The following FAF1 variants were observed in gnomAD, a reference collection of about 807,000 sequenced individuals.
FAF1 encodes the protein Fas associated factor 1, also known as FAS-associated factor 1.
A neutral mutation model predicts 92.5 loss-of-function variants in FAF1; 25 were observed. The ratio of observed to expected loss-of-function variants is 0.27; its 90% CI spans 0.20 to 0.38. The LOEUF (loss-of-function observed/expected upper bound fraction) is 0.38, where lower values mean the gene tolerates loss of function less well. Among genes scored for constraint, FAF1 ranks in the 10% least tolerant of loss-of-function variants. The pLI is 1.00. For synonymous variants in FAF1, 234 were observed against 273.2 expected, an observed-to-expected ratio of 0.86 and a Z score of 1.42; for missense variants, 636 against 793.3, an observed-to-expected ratio of 0.80 and a Z score of 2.38.
At chr1:50,916,156 G>A (rs1424648814) in intron 1 of FAF1, among the ~76,000 whole-genome samples, 1 of 152,170 alleles carries the variant, frequency 6.6e-6, no homozygotes, top group Non-Finnish European at 1.5e-5. Flanking sequence ...ACAAACAAAA[G>A]GGGGTCGTAG....
chr1:50,791,242 A>C (rs1661553385), intron 3 of FAF1, among the ~76,000 whole-genome samples: 1 of 152,222 alleles, frequency 6.6e-6, no homozygotes, highest in Admixed American at 6.5e-5. Flanking sequence ...TATGAACAGA[A>C]TCTGTGCGAT....
At chr1:50,787,219 G>GTAGAGAGAA (rs1661393700) in intron 4 of FAF1, among the ~76,000 whole-genome samples, 3 of 152,108 alleles carry the variant, frequency 2.0e-5, no homozygotes, top group Non-Finnish European at 4.4e-5. Flanking sequence ...TTTTCAACTG[G>GTAGAGAGAA]CAGAGAGAAA....
intron 6 of FAF1, among the ~76,000 whole-genome samples, chr1:50,722,950 C>T (rs1414002353): frequency 4.6e-5 from 7 of 152,140 alleles, no homozygotes; most frequent in African/African-American, 1.7e-4. Context: ...AAGCTGGTAT[C>T]CTAGAGCTTT....
chr1:50,553,260 T>C (rs1433452673), intron 13 of FAF1, among the ~76,000 whole-genome samples: 1 of 152,132 alleles, frequency 6.6e-6, no homozygotes, highest in Non-Finnish European at 1.5e-5. Flanking sequence ...GAAATCAAAA[T>C]ATATGAGGCA....
intron 18 of FAF1, among the ~76,000 whole-genome samples, chr1:50,442,307 G>A (rs1464143935): frequency 2.6e-5 from 4 of 152,152 alleles, no homozygotes; most frequent in Non-Finnish European, 4.4e-5. Flanking sequence ...TAAAAGTTGA[G>A]TAATACTGGT....
intron 18 of FAF1, among the ~76,000 whole-genome samples, chr1:50,453,936 C>T (rs991664225): frequency 6.6e-6 from 1 of 152,192 alleles, no homozygotes; most frequent in Non-Finnish European, 1.5e-5. Context: ...CTGACCCTAG[C>T]ATACTGCTCT....
In FAF1 at chr1:50,438,331, G is replaced by A. The variant is rs1440940637; in HGVS notation, c.*3109C>T. The A allele has an allele frequency of 6.6e-6, 1 of 152,238 alleles. No individual in the cohort carries two copies. The highest frequency in any genetic ancestry group is 1.5e-5 in the Non-Finnish European group (1 of 68,064). 9.4% of individuals were successfully genotyped at this position (152,238 alleles called of 1,614,324 possible). On this transcript the variant is annotated 3_prime_UTR_variant, in exon 19 of 19. Transcript: ENST00000396153. Reference sequence around the variant, plus strand: ...CACGCAGCTACTAAGTGGCAGAAGAGAGGTTCAACTTGGAAGACACTGAAG... The same window carrying A: ...CACGCAGCTACTAAGTGGCAGAAGAAAGGTTCAACTTGGAAGACACTGAAG...
At chr1:50,536,896 C>T (rs1013326659) in intron 14 of FAF1, among the ~76,000 whole-genome samples, 7 of 152,024 alleles carry the variant, frequency 4.6e-5, no homozygotes, top group African/African-American at 7.2e-5. Context: ...GTGGAGATAA[C>T]GTAAAGTATA....
At chr1:50,955,364 T>G (rs932393147) in intron 1 of FAF1, among the ~76,000 whole-genome samples, 2 of 152,262 alleles carry the variant, frequency 1.3e-5, no homozygotes, top group African/African-American at 2.4e-5. Context: ...CACCCCCTCC[T>G]GGCTCTGGCC....
intron 2 of FAF1, among the ~76,000 whole-genome samples, chr1:50,849,355 G>A (rs557872603): frequency 7.9e-6 from 1 of 126,776 alleles, no homozygotes; most frequent in Non-Finnish European, 1.8e-5. Context: ...ATTAGCAGAA[G>A]TTTGAAAAAG....
Position 50,681,937 on chromosome 1 carries a change from G to A in FAF1, c.657+23849C>T, listed in dbSNP as rs563228141. Among the ~76,000 whole-genome samples, 53 of 151,796 alleles carry A rather than the reference G, an allele frequency of 3.5e-4. 1 individual carries two copies. In the South Asian group the frequency reaches 4.4e-3, roughly 13 times the overall value. ...CAACTTCCACCTCCCAGGCCCAAGCGATCCTCCCACCTCAGCCCCCTGGGT... is the reference window on the plus strand; with the variant it reads ...CAACTTCCACCTCCCAGGCCCAAGCAATCCTCCCACCTCAGCCCCCTGGGT... On this transcript the variant is annotated intron_variant, in intron 7 of 18. Transcript: ENST00000396153.
At chr1:50,471,333 G>A (rs1212612470) in intron 18 of FAF1, among the ~76,000 whole-genome samples, 1 of 152,032 alleles carries the variant, frequency 6.6e-6, no homozygotes, top group African/African-American at 2.4e-5. Flanking sequence ...AAAGTGGATG[G>A]GTGACAGAGG....
chr1:50,909,271 T>A (rs1481377974), intron 1 of FAF1, among the ~76,000 whole-genome samples: 3 of 152,224 alleles, frequency 2.0e-5, no homozygotes, highest in African/African-American at 7.2e-5. Context: ...CTTCCCTTTG[T>A]GGGTAACTCG....
chr1:50,819,740 C>CGTATATATATACATATATATATACGT lies in FAF1; in HGVS notation c.115-18064_115-18063insACGTATATATATATGTATATATATAC, dbSNP rs3062921. On this transcript the variant is annotated intron_variant, in intron 2 of 18. Transcript: ENST00000396153. ...ACGTATATATATATACATATATATA[C>CGTATATATATACATATATATATACGT]ATATATATATACATATATATATACG... 3.6e-4 allele frequency among the ~76,000 whole-genome samples: 10 copies of CGTATATATATACATATATATATACGT among 28,012 alleles called. 1 individual carries two copies. The highest frequency in any genetic ancestry group is 1.1e-3 in the South Asian group (1 of 872). 18.4% of individuals were successfully genotyped at this position (28,012 alleles called of 152,430 possible).
intron 4 of FAF1, among the ~76,000 whole-genome samples, chr1:50,777,578 G>A (rs753998651): frequency 9.9e-5 from 15 of 152,060 alleles, no homozygotes; most frequent in South Asian, 4.2e-4. Flanking sequence ...ACACAGATAC[G>A]GTAAACTATA....
intron 2 of FAF1, among the ~76,000 whole-genome samples, chr1:50,808,853 C>G (rs973412065): frequency 6.6e-6 from 1 of 152,012 alleles, no homozygotes; most frequent in Non-Finnish European, 1.5e-5. Context: ...TTGGATCATT[C>G]AAAATACTAG....
Position 50,567,143 on chromosome 1 carries a change from A to C in FAF1, c.1202T>G (p.Val401Gly). The C allele has an allele frequency of 6.2e-7, 1 of 1,610,910 alleles. No homozygotes were observed. The highest frequency in any genetic ancestry group is 8.5e-7 in the Non-Finnish European group (1 of 1,177,818). The change falls in exon 13 of 19, where the codon GTT (valine) becomes GGT (glycine). Residue 401 changes from valine (V) to glycine (G), a missense_variant. Val to Gly is a moderately radical substitution (Grantham distance 109). Transcript: ENST00000396153. Reference protein sequence around the residue: ...CSQMLCAESIVSYLSQNFITW... With the variant: ...CSQMLCAESIGSYLSQNFITW... ...TATAAAATTTTGACTCAGATAAGAA[A>C]CAATGGATTCAGCACAAAGCATTTG...
At chr1:50,900,033 ATTTAC>A (rs759763495) in intron 1 of FAF1, among the ~76,000 whole-genome samples, 2 of 152,142 alleles carry the variant, frequency 1.3e-5, no homozygotes, top group Non-Finnish European at 1.5e-5. Context: ...AATACTTTCC[ATTTAC>A]TTTACTTTTT....
intron 1 of FAF1, among the ~76,000 whole-genome samples, chr1:50,869,780 T>G (rs1644511856): frequency 6.6e-6 from 1 of 152,202 alleles, no homozygotes; most frequent in Non-Finnish European, 1.5e-5. Flanking sequence ...TATTCTATTT[T>G]TTCACTATTT....
Sources: allele counts gnomAD v4.1 joint callset (sites outside exome capture counted in the v4.1 genomes callset), GRCh38; gene constraint gnomAD v4.1.1; transcripts MANE v1.5; gene names NCBI Gene and HGNC (gene_info 2026-07-23, HGNC 2026-07-21).